NBAS: variants seen among roughly 807,000 people sequenced by gnomAD.
NBAS encodes NBAS subunit of NRZ tethering complex, also known as NAG/BC035112 fusion.
In NBAS, 219 loss-of-function variants were observed where a neutral mutation model predicts 302.5. The ratio of observed to expected loss-of-function variants is 0.72; its 90% CI spans 0.65 to 0.81. The LOEUF is 0.81. Among genes scored for constraint, NBAS ranks in the 30% least tolerant of loss-of-function variants. NBAS has a pLI of 0.00. For synonymous variants in NBAS, 1,118 were observed against 1,021.6 expected (o/e 1.09, Z -1.80); for missense variants, 2,932 against 2,841.6 (o/e 1.03, Z -0.72).
the NBAS span, among the ~76,000 whole-genome samples, chr2:15,086,847 TATGAGAGTGTTTTGAG>T: frequency 1.3e-5 from 2 of 152,214 alleles, no homozygotes; most frequent in Non-Finnish European, 2.9e-5. Flanking sequence ...TGGATGTTTC[TATGAGAGTGTTTTGAG>T]ATGAGATTAA....
chr2:15,448,152 C>T (rs1022067959), intron 21 of NBAS, among the ~76,000 whole-genome samples: 1 of 152,164 alleles, frequency 6.6e-6, no homozygotes, highest in Non-Finnish European at 1.5e-5. Flanking sequence ...CATCATCAGT[C>T]GAACTACAGC....
chr2:14,968,664 C>G, the NBAS span, among the ~76,000 whole-genome samples: 1 of 152,168 alleles, frequency 6.6e-6, no homozygotes, highest in Non-Finnish European at 1.5e-5. Flanking sequence ...ACTTCACACT[C>G]TCTAGGATGA....
the NBAS span, among the ~76,000 whole-genome samples, chr2:14,802,765 C>A: frequency 6.8e-6 from 1 of 146,152 alleles, no homozygotes; most frequent in Non-Finnish European, 1.5e-5. Context: ...TGGAAATCAT[C>A]ATTCTCAGTA....
chr2:14,796,753 T>C, the NBAS span, among the ~76,000 whole-genome samples: 1 of 151,838 alleles, frequency 6.6e-6, no homozygotes, highest in African/African-American at 2.4e-5. Context: ...GTTTGCCTGC[T>C]CTTTCCGGAT....
intron 42 of NBAS, among the ~76,000 whole-genome samples, chr2:15,285,603 CTT>C (rs1670002372): frequency 6.6e-6 from 1 of 152,166 alleles, no homozygotes; most frequent in Non-Finnish European, 1.5e-5. Context: ...CAGACTTGGC[CTT>C]TTCTCTCGGC....
chr2:15,016,389 C>T, the NBAS span, among the ~76,000 whole-genome samples: 36 of 152,022 alleles, frequency 2.4e-4, no homozygotes, highest in African/African-American at 8.2e-4. Context: ...CACAGACAAA[C>T]TATATCATCT....
intron 27 of NBAS, 144 bp from the exon 28 acceptor site, chr2:15,394,493 TTC>T: frequency 1.3e-6 from 1 of 798,304 alleles, no homozygotes; most frequent in Non-Finnish European, 2.0e-6. Context: ...ATAACGTTGA[TTC>T]TCAGCAAAAA....
At chr2:14,881,344 A>G in the NBAS span, among the ~76,000 whole-genome samples, 1 of 152,188 alleles carries the variant, frequency 6.6e-6, no homozygotes, top group Non-Finnish European at 1.5e-5. Flanking sequence ...GAAACAACAG[A>G]CACTGGGAAC....
chr2:15,445,628 C>T (rs1678693891), intron 21 of NBAS, among the ~76,000 whole-genome samples: 1 of 151,396 alleles, frequency 6.6e-6, no homozygotes, highest in Non-Finnish European at 1.5e-5. Flanking sequence ...CACATTGTGT[C>T]CATGTACCCT....
At chr2:14,972,966 G>A in the NBAS span, among the ~76,000 whole-genome samples, 1 of 152,186 alleles carries the variant, frequency 6.6e-6, no homozygotes, top group African/African-American at 2.4e-5. Context: ...AACACACAAT[G>A]GAGAAAGGCC....
intron 35 of NBAS, among the ~76,000 whole-genome samples, chr2:15,332,216 C>T (rs1672385939): frequency 6.6e-6 from 1 of 152,148 alleles, no homozygotes; most frequent in South Asian, 2.1e-4. Flanking sequence ...TTCTCCAGAG[C>T]CTCTGGAAAA....
At chr2:15,132,062 A>G in the NBAS span, among the ~76,000 whole-genome samples, 1 of 152,216 alleles carries the variant, frequency 6.6e-6, no homozygotes, top group African/African-American at 2.4e-5. Context: ...TTCAAACTAT[A>G]TCATCTTCCT....
chr2:15,153,793 T>C, the NBAS span, among the ~76,000 whole-genome samples: 2 of 152,254 alleles, frequency 1.3e-5, no homozygotes, highest in African/African-American at 2.4e-5. Context: ...CCTCTTTCTA[T>C]GTAAAATGAA....
chr2:15,545,413 T>A (rs1664062881), intron 6 of NBAS, among the ~76,000 whole-genome samples: 1 of 152,172 alleles, frequency 6.6e-6, no homozygotes, highest in Admixed American at 6.5e-5. Flanking sequence ...TGGACAAAAC[T>A]CTGGCCTGAC....
chr2:15,379,662 G>T lies in NBAS; in HGVS notation c.3530C>A (p.Ala1177Asp). ...YEKSIDLVLA[A>D]SREYFNSSTN... The stretch of plus-strand genomic sequence containing the variant: ...AGAAGAATTGAAGTACTCTCTGCTG[G>T]CAGCCAAAACCAAGTCAATACTCTT... Residue 1177 changes from alanine (A) to aspartate (D), a missense_variant, in exon 30 of 52, where the codon GCC (alanine) becomes GAC (aspartate). Physicochemically the swap from Ala to Asp is moderately radical, Grantham distance 126 (BLOSUM62 -2). Transcript: ENST00000281513. 1 of 1,613,862 alleles carries T rather than the reference G, an allele frequency of 6.2e-7. No individual in the cohort carries two copies. The highest frequency in any genetic ancestry group is 8.5e-7 in the Non-Finnish European group (1 of 1,179,932).
chr2:15,242,376 G>C (rs1282173898), intron 44 of NBAS, among the ~76,000 whole-genome samples: 1 of 152,128 alleles, frequency 6.6e-6, no homozygotes, highest in Non-Finnish European at 1.5e-5. Flanking sequence ...ATTTTCCTGA[G>C]CCAGCTAGAA....
At chr2:14,811,035 G>A in the NBAS span, among the ~76,000 whole-genome samples, 4 of 152,182 alleles carry the variant, frequency 2.6e-5, no homozygotes, top group Non-Finnish European at 5.9e-5. Context: ...TTATTTCCCT[G>A]ACATGGAGTG....
chr2:15,242,747 C>A (rs1047969825), intron 44 of NBAS, among the ~76,000 whole-genome samples: 4 of 151,762 alleles, frequency 2.6e-5, no homozygotes, highest in African/African-American at 9.7e-5. Context: ...TCATGTATAT[C>A]ATTACTATAA....
At chr2:15,128,046 G>T in the NBAS span, among the ~76,000 whole-genome samples, 1 of 152,108 alleles carries the variant, frequency 6.6e-6, no homozygotes, top group Admixed American at 6.6e-5. Flanking sequence ...CAGTCTGCTG[G>T]GGAAGTGTAT....
Sources: allele counts gnomAD v4.1 joint callset (sites outside exome capture counted in the v4.1 genomes callset), GRCh38; gene constraint gnomAD v4.1.1; transcripts MANE v1.5; gene names NCBI Gene and HGNC (gene_info 2026-07-23, HGNC 2026-07-21).